The following TTC29 variants were observed in gnomAD, a reference collection of about 807,000 sequenced individuals.
TTC29 encodes tetratricopeptide repeat protein 29.
Under a neutral mutation model 58.1 loss-of-function variants are expected in TTC29, and 49 were observed. The ratio of observed to expected loss-of-function variants is 0.84; its 90% CI spans 0.67 to 1.07. The LOEUF (loss-of-function observed/expected upper bound fraction) is 1.07, where lower values mean the gene tolerates loss of function less well. TTC29 is among the 50% of genes least tolerant of loss of function. The pLI is 0.00. For missense variants in TTC29, 582 were observed against 555.6 expected (o/e 1.05, Z -0.48); for synonymous variants, 209 against 196.8 (o/e 1.06, Z -0.52).
intron 9 of TTC29, among the ~76,000 whole-genome samples, chr4:146,824,024 A>G (rs1033991814): frequency 2.0e-5 from 3 of 152,190 alleles, no homozygotes; most frequent in Non-Finnish European, 4.4e-5. Context: ...GATTTTCTAA[A>G]TATACAATCA....
rs777139173 is a variant in TTC29, at chr4:146,803,622, T to A, written c.1165A>T (p.Ser389Cys). ...QAFDTTVELMSMPLMDETKVH... is the reference protein window; with the variant it reads ...QAFDTTVELMCMPLMDETKVH... The stretch of plus-strand genomic sequence containing the variant: ...TTTGTCTCATCCATCAGAGGCATGC[T>A]CATTAGCTCTACTGTTGTGTCAAAA... Residue 389 changes from serine to cysteine, a missense_variant, in exon 11 of 13, where the codon AGC becomes TGC. Coordinates refer to ENST00000325106, the MANE Select transcript of TTC29 (RefSeq NM_031956.4). The A allele has an allele frequency of 4.3e-6, 7 of 1,609,526 alleles. No individual in the cohort carries two copies. In the East Asian group the frequency reaches 1.6e-4, roughly 36 times the overall value.
chr4:146,775,670 T>C (rs1445319627), intron 11 of TTC29, among the ~76,000 whole-genome samples: 1 of 152,140 alleles, frequency 6.6e-6, no homozygotes, highest in Non-Finnish European at 1.5e-5. Context: ...CCCTTCTCTC[T>C]GTCTGCCCTT....
chr4:146,888,979 C>T (rs1278466965), intron 6 of TTC29, among the ~76,000 whole-genome samples: 1 of 152,128 alleles, frequency 6.6e-6, no homozygotes. Context: ...AGGTTTACTA[C>T]CCAGTCTAAC....
intron 11 of TTC29, among the ~76,000 whole-genome samples, chr4:146,755,784 G>A (rs529554562): frequency 7.6e-4 from 115 of 151,920 alleles, no homozygotes; most frequent in African/African-American, 2.7e-3. Flanking sequence ...AAAAATTAGG[G>A]TTCTGTATCA....
intron 11 of TTC29, among the ~76,000 whole-genome samples, chr4:146,797,637 TC>T: frequency 1.3e-5 from 2 of 151,974 alleles, no homozygotes; most frequent in Admixed American, 1.3e-4. Flanking sequence ...GTATGTAGTG[TC>T]CTTCCTCTCC....
At chr4:146,709,087 T>G (rs1742293728) in intron 11 of TTC29, among the ~76,000 whole-genome samples, 1 of 152,164 alleles carries the variant, frequency 6.6e-6, no homozygotes, top group Non-Finnish European at 1.5e-5. Flanking sequence ...TATCATTGCC[T>G]CATTGTCACT....
intron 11 of TTC29, among the ~76,000 whole-genome samples, chr4:146,761,003 CATT>C (rs907602280): frequency 1.3e-5 from 2 of 151,498 alleles, no homozygotes; most frequent in Admixed American, 1.3e-4. Flanking sequence ...GAAAATCAAA[CATT>C]GTTTATATGT....
In TTC29 at chr4:146,706,846, CATT is replaced by C. The variant is rs2149982900; in HGVS notation, c.*309_*311del. 4.7e-6 allele frequency: 1 copy of C among 211,180 alleles called. No individual in the cohort carries two copies. Among genetic ancestry groups the C allele is most frequent in the Admixed American group, 5.8e-5 (1 of 17,244 alleles). The allele number at this position is 211,180 out of a possible 1,614,324, so 13.1% of individuals were successfully genotyped here. A position where few individuals can be genotyped will look rare whatever the true frequency, so the allele number is the denominator to read the frequency against. ...TTTCTTAAGCTTGTAATTATTTTCT[CATT>C]AGAAAATATTTTCTTATTTTGGTTT... On this transcript the variant is annotated 3_prime_UTR_variant, in exon 13 of 13. Transcript: ENST00000325106.
chr4:146,709,773 TTA>T lies in TTC29; in HGVS notation c.1331-2224_1331-2223del, dbSNP rs1742346935. ...ACCTCCACTTTTCTCAGCTGATGAT[TTA>T]TTTTCTGGCTTCATAGAGGAAATAA... is the stretch of plus-strand genomic sequence containing the variant. On this transcript the variant is annotated intron_variant, in intron 11 of 12. Transcript: ENST00000325106. Among the ~76,000 whole-genome samples the T allele has an allele frequency of 2.0e-5, 3 of 152,276 alleles. No homozygotes were observed. The South Asian group carries it at 6.2e-4, about 32-fold the overall frequency.
intron 6 of TTC29, among the ~76,000 whole-genome samples, chr4:146,898,823 A>C (rs1037912819): frequency 6.6e-6 from 1 of 152,176 alleles, no homozygotes; most frequent in African/African-American, 2.4e-5. Context: ...GGAGAAGGGA[A>C]AGGACTAAAA....
intron 9 of TTC29, among the ~76,000 whole-genome samples, chr4:146,827,762 T>C (rs1191760334): frequency 1.3e-5 from 2 of 152,192 alleles, no homozygotes; most frequent in African/African-American, 4.8e-5. Context: ...TATCTCTCAG[T>C]GAAATAAACA....
chr4:146,869,989 A>G (rs146083602), intron 7 of TTC29, among the ~76,000 whole-genome samples: 194 of 152,236 alleles, frequency 1.3e-3, no homozygotes, highest in African/African-American at 4.4e-3. Context: ...ACAGAGACAT[A>G]AAGAGAGAGA....
At position 146,803,554 on chromosome 4, in the gene TTC29, T is replaced by C. The variant is rs373392527; in HGVS notation, c.1233A>G (p.Thr411=). ...CTGCAGACTCTATATAGTTGTTCAC[T>C]GTAAGCATCATCTGATGAGCTTTTG... ...GIAKAHQMML[T]VNNYIESADL... Residue 411 remains threonine (T), a synonymous_variant, in exon 11 of 13, where the codon ACA becomes ACG. Coordinates refer to ENST00000325106, the MANE Select transcript of TTC29 (RefSeq NM_031956.4). 3 of 1,605,414 alleles carry C rather than the reference T, an allele frequency of 1.9e-6. No homozygotes were observed. In the African/African-American group the frequency reaches 4.0e-5, roughly 21 times the overall value.
intron 6 of TTC29, among the ~76,000 whole-genome samples, chr4:146,883,312 G>A (rs560343567): frequency 5.3e-5 from 8 of 151,932 alleles, no homozygotes; most frequent in East Asian, 1.9e-4. Context: ...CAACGGGTGC[G>A]GAAACAATTG....
intron 8 of TTC29, among the ~76,000 whole-genome samples, chr4:146,841,054 A>C (rs1728822108): frequency 2.0e-5 from 3 of 152,188 alleles, no homozygotes; most frequent in Admixed American, 2.0e-4. Context: ...TTTCAAAGAA[A>C]GTATTTAATT....
intron 11 of TTC29, among the ~76,000 whole-genome samples, chr4:146,754,744 CTGTT>C (rs1475183696): frequency 2.0e-5 from 3 of 151,936 alleles, no homozygotes; most frequent in Non-Finnish European, 2.9e-5. Flanking sequence ...AAACTGTCAA[CTGTT>C]TGTGTATAGA....
At chr4:146,857,974 T>C (rs1729979804) in intron 8 of TTC29, among the ~76,000 whole-genome samples, 1 of 152,128 alleles carries the variant, frequency 6.6e-6, no homozygotes, top group African/African-American at 2.4e-5. Flanking sequence ...AAATAGTAAA[T>C]TACAATTAAG....
At chr4:146,860,008 T>C (rs1225042464) in intron 8 of TTC29, among the ~76,000 whole-genome samples, 1 of 152,156 alleles carries the variant, frequency 6.6e-6, no homozygotes, top group African/African-American at 2.4e-5. Flanking sequence ...GTTTCAGCAG[T>C]AGACAGAAAT....
intron 11 of TTC29, among the ~76,000 whole-genome samples, chr4:146,714,838 T>G (rs952916381): frequency 6.6e-6 from 1 of 151,992 alleles, no homozygotes; most frequent in Admixed American, 6.6e-5. Flanking sequence ...TGCACAAAGG[T>G]GAGAAGGGGA....
Sources: allele counts gnomAD v4.1 joint callset (sites outside exome capture counted in the v4.1 genomes callset), GRCh38; gene constraint gnomAD v4.1.1; transcripts MANE v1.5; gene names NCBI Gene and HGNC (gene_info 2026-07-23, HGNC 2026-07-21).